Variants in ZBBX observed in about 807,000 individuals in gnomAD.
ZBBX encodes zinc finger B-box domain-containing protein 1.
Under a neutral mutation model 108.5 loss-of-function variants are expected in ZBBX, and 101 were observed. The observed-to-expected ratio is 0.93, with a 90% CI of 0.79 to 1.10. ZBBX has a LOEUF of 1.10. Among genes scored for constraint, ZBBX ranks in the 50% least tolerant of loss-of-function variants. The pLI, the probability that ZBBX is intolerant of heterozygous loss-of-function variation, is 0.00. For missense variants in ZBBX, 1,009 were observed against 941.4 expected, an observed-to-expected ratio of 1.07 and a Z score of -0.94; for synonymous variants, 356 against 323.4, an observed-to-expected ratio of 1.10 and a Z score of -1.08.
chr3:167,235,908 G>C (rs1254196508), downstream of ZBBX, among the ~76,000 whole-genome samples: 1 of 151,610 alleles, frequency 6.6e-6, no homozygotes, highest in Non-Finnish European at 1.5e-5. Flanking sequence ...TTAGGTAGGG[G>C]ATAAACTACA....
intron 19 of ZBBX, among the ~76,000 whole-genome samples, chr3:167,285,914 C>A (rs1044130876): frequency 6.6e-6 from 1 of 152,046 alleles, no homozygotes; most frequent in Non-Finnish European, 1.5e-5. Flanking sequence ...ATGAACAGGA[C>A]AGACTAGTCC....
chr3:167,224,209 A>AT, the ZBBX span, among the ~76,000 whole-genome samples: 1 of 152,050 alleles, frequency 6.6e-6, no homozygotes, highest in African/African-American at 2.4e-5. Context: ...TTACTGTATT[A>AT]TTTTCAGACT....
At chr3:167,221,889 G>T in the ZBBX span, among the ~76,000 whole-genome samples, 1 of 152,010 alleles carries the variant, frequency 6.6e-6, no homozygotes, top group Admixed American at 6.6e-5. Flanking sequence ...AATTAAAATG[G>T]TTTTTATCCA....
chr3:167,389,678 G>C (rs1327255167), intron 1 of ZBBX, among the ~76,000 whole-genome samples: 3 of 152,094 alleles, frequency 2.0e-5, no homozygotes, highest in Non-Finnish European at 2.9e-5. Flanking sequence ...ATTCTAACTG[G>C]TGAGAGATGG....
chr3:167,371,600 A>C (rs535119874), intron 4 of ZBBX, among the ~76,000 whole-genome samples: 1 of 152,226 alleles, frequency 6.6e-6, no homozygotes, highest in South Asian at 2.1e-4. Context: ...ATGCACACTT[A>C]ATTAATGTTT....
chr3:167,391,862 G>T (rs1038784017), intron 1 of ZBBX, among the ~76,000 whole-genome samples: 9 of 151,498 alleles, frequency 5.9e-5, no homozygotes, highest in Admixed American at 1.3e-4. Flanking sequence ...TTTATATGTA[G>T]ATAAATCAAG....
At chr3:167,290,099 C>A (rs1730418576) in intron 18 of ZBBX, among the ~76,000 whole-genome samples, 2 of 152,174 alleles carry the variant, frequency 1.3e-5, no homozygotes, top group South Asian at 4.1e-4. Flanking sequence ...ACCTCTACCT[C>A]CCCGGGACAG....
At chr3:167,386,272 G>C (rs1747919594) in intron 1 of ZBBX, among the ~76,000 whole-genome samples, 1 of 152,134 alleles carries the variant, frequency 6.6e-6, no homozygotes, top group East Asian at 1.9e-4. Context: ...ATCCAAAAAT[G>C]ATACACTCCT....
At chr3:167,353,873 C>G (rs5011700) in intron 8 of ZBBX, among the ~76,000 whole-genome samples, 1 of 151,718 alleles carries the variant, frequency 6.6e-6, no homozygotes. Context: ...AAGCTTAAAC[C>G]CTTAACCACA....
chr3:167,202,987 G>A, the ZBBX span, among the ~76,000 whole-genome samples: 1 of 152,070 alleles, frequency 6.6e-6, no homozygotes, highest in Non-Finnish European at 1.5e-5. Flanking sequence ...ATTAGTTCAT[G>A]AAGAATTTTT....
chr3:167,320,243 CAA>C (rs201604484), intron 12 of ZBBX, among the ~76,000 whole-genome samples: 87 of 98,328 alleles, frequency 8.8e-4, no homozygotes, highest in African/African-American at 2.9e-3. Flanking sequence ...GCAAACTAAC[CAA>C]AAAAAAAAAA....
intron 4 of ZBBX, chr3:167,368,918 T>C: frequency 5.0e-6 from 1 of 198,488 alleles, no homozygotes; most frequent in Non-Finnish European, 9.3e-6. Flanking sequence ...AATTTTCATA[T>C]TGTTTTGCCT....
At chr3:167,366,803 C>G (rs566453439) in intron 5 of ZBBX, 1 of 455,520 alleles carries the variant, frequency 2.2e-6, no homozygotes, top group Non-Finnish European at 4.4e-6. Flanking sequence ...TCCAGCAACT[C>G]CGATTCTCAG....
At chr3:167,351,812 G>A (rs1184260014) in intron 8 of ZBBX, among the ~76,000 whole-genome samples, 2 of 152,162 alleles carry the variant, frequency 1.3e-5, no homozygotes, top group Non-Finnish European at 2.9e-5. Context: ...GGGAAGCTGG[G>A]TGTTCTCATG....
chr3:167,299,214 C>T (rs530772690), intron 17 of ZBBX, among the ~76,000 whole-genome samples: 5 of 152,016 alleles, frequency 3.3e-5, no homozygotes, highest in Admixed American at 1.3e-4. Flanking sequence ...TTAATAATTC[C>T]GTAATGAATC....
chr3:167,228,974 T>G, the ZBBX span, among the ~76,000 whole-genome samples: 1 of 151,942 alleles, frequency 6.6e-6, no homozygotes, highest in African/African-American at 2.4e-5. Flanking sequence ...TAGACTATGT[T>G]GCTTCCTGCT....
chr3:167,363,575 G>A (rs1744867475), intron 6 of ZBBX, among the ~76,000 whole-genome samples: 1 of 151,772 alleles, frequency 6.6e-6, no homozygotes, highest in South Asian at 2.1e-4. Flanking sequence ...CCTCTTCAAA[G>A]ACCACACACC....
intron 9 of ZBBX, among the ~76,000 whole-genome samples, chr3:167,335,876 G>C (rs1305879894): frequency 1.3e-5 from 2 of 151,782 alleles, no homozygotes; most frequent in Non-Finnish European, 2.9e-5. Context: ...ATGATTCTCA[G>C]AAAACCTATA....
chr3:167,295,242 C>T (rs990292402), intron 18 of ZBBX, among the ~76,000 whole-genome samples: 7 of 152,122 alleles, frequency 4.6e-5, no homozygotes, highest in African/African-American at 1.7e-4. Flanking sequence ...CACATGCACA[C>T]ATATGTTTAT....
Sources: allele counts gnomAD v4.1 joint callset (sites outside exome capture counted in the v4.1 genomes callset), GRCh38; gene constraint gnomAD v4.1.1; transcripts MANE v1.5; gene names NCBI Gene and HGNC (gene_info 2026-07-23, HGNC 2026-07-21).